Variants in TRAPPC12 observed in about 807,000 individuals in gnomAD.
The protein encoded by TRAPPC12 is TPR repeat protein 15.
In TRAPPC12, 61 loss-of-function variants were observed where a neutral mutation model predicts 69.2. The observed-to-expected ratio is 0.88, with a 90% CI of 0.72 to 1.09. The LOEUF (loss-of-function observed/expected upper bound fraction) is 1.09, where lower values mean the gene tolerates loss of function less well. Ranked by LOEUF, TRAPPC12 falls within the 50% of genes least tolerant of loss-of-function variation. TRAPPC12 has a pLI of 0.00. For missense variants in TRAPPC12, 1,101 were observed against 1,016.4 expected, an observed-to-expected ratio of 1.08 and a Z score of -1.13; for synonymous variants, 469 against 438.9, an observed-to-expected ratio of 1.07 and a Z score of -0.86.
At position 3,414,585 on chromosome 2, in the gene TRAPPC12, T is replaced by C. The variant is rs1303411981; in HGVS notation, c.1165-7296T>C. Among the ~76,000 whole-genome samples, 2 of 148,002 alleles carry C rather than the reference T, an allele frequency of 1.4e-5. No homozygotes were observed. The highest frequency in any genetic ancestry group is 2.2e-4 in the South Asian group (1 of 4,586). ...CCGCTGTGCAGTGCCTTGAACGTGC[T>C]CTGCCGTGTGTCGGCCCGTTTCCTG... On this transcript the variant is annotated intron_variant, in intron 3 of 11. Coordinates refer to ENST00000324266, the MANE Select transcript of TRAPPC12 (RefSeq NM_016030.6). This position sits in a 1 kb window ranked among gnomAD's most constrained non-coding sequence, Gnocchi z 4.9.
chr2:3,456,282 G>A (rs1167974652), intron 6 of TRAPPC12: 1 of 152,220 alleles, frequency 6.6e-6, no homozygotes, highest in Non-Finnish European at 1.5e-5. Flanking sequence ...TCAGCAGGTA[G>A]AGACCGGGGA....
At position 3,427,478 on chromosome 2, in the gene TRAPPC12, G is replaced by A. The variant is rs114453553; in HGVS notation, c.1417+2815G>A. Among the ~76,000 whole-genome samples, 592 of 152,336 alleles carry A rather than the reference G, an allele frequency of 3.9e-3. 3 individuals carry two copies. The highest frequency in any genetic ancestry group is 0.012 in the African/African-American group (504 of 41,566). On this transcript the variant is annotated intron_variant, in intron 5 of 11. Transcript: ENST00000324266. Reference sequence around the variant, plus strand: ...CTGGTTTCTTTTCCTACTGAGGTCCGTGTGAATTATAGATTCAAAATGACT... The same window carrying A: ...CTGGTTTCTTTTCCTACTGAGGTCCATGTGAATTATAGATTCAAAATGACT...
rs1662986735 is a variant in TRAPPC12 at position 3,424,530 on chromosome 2, G to A, written c.1284G>A (p.Trp428Ter). ...CCATTGTATTTTGTTTTTAGCTCTG[G>A]TTTGTCAGGCTGGCACTACTAGTGA... ...TSHTTDSLQLWFVRLALLVKL... is the reference protein window; with the variant it reads ...TSHTTDSLQL Residue 428 changes from tryptophan to a stop codon, truncating the protein, a stop_gained, in exon 5 of 12, where the codon TGG becomes TGA. Transcript: ENST00000324266. LOFTEE classifies it high-confidence loss of function. 6.2e-7 allele frequency: 1 copy of A among 1,612,314 alleles called. No homozygotes were observed. Among genetic ancestry groups the A allele is most frequent in the African/African-American group, 1.3e-5 (1 of 74,746 alleles).
rs1662207141 is a variant in TRAPPC12 at position 3,414,078 on chromosome 2, CA to C, written c.1165-7800del. 6.6e-6 allele frequency among the ~76,000 whole-genome samples: 1 copy of C among 152,110 alleles called. No individual in the cohort carries two copies. Among genetic ancestry groups the C allele is most frequent in the Admixed American group, 6.5e-5 (1 of 15,268 alleles). ...TCCTTTTTATTCACGTAATACCCCCCAAAGAATTAGAAAACTAGGTACCCCT... is the reference window on the plus strand; with the variant it reads ...TCCTTTTTATTCACGTAATACCCCCCAAGAATTAGAAAACTAGGTACCCCT... On this transcript the variant is annotated intron_variant, in intron 3 of 11. Coordinates refer to ENST00000324266, the MANE Select transcript of TRAPPC12 (RefSeq NM_016030.6). This position sits in a 1 kb window ranked among gnomAD's most constrained non-coding sequence, Gnocchi z 4.9.
intron 5 of TRAPPC12, among the ~76,000 whole-genome samples, chr2:3,436,110 C>T (rs539074023): frequency 2.6e-5 from 4 of 152,330 alleles, no homozygotes; most frequent in Admixed American, 2.6e-4. Context: ...GGGCCTGAGA[C>T]TCTGAAGTTC....
intron 6 of TRAPPC12, among the ~76,000 whole-genome samples, chr2:3,449,746 C>T (rs1384248904): frequency 6.6e-6 from 1 of 152,196 alleles, no homozygotes; most frequent in Non-Finnish European, 1.5e-5. Flanking sequence ...GCCACCCGCA[C>T]ACCGACAGTG....
In TRAPPC12 at chr2:3,424,674, G is replaced by A. The variant is rs1354378366; in HGVS notation, c.1417+11G>A. On this transcript the variant is annotated intron_variant, in intron 5 of 11. Transcript: ENST00000324266. Reference sequence around the variant, plus strand: ...ACCCTGGGCGCAGGGGTAAGGCCATGGTATTTAATATTTGTACATTTGTCT... The same window carrying A: ...ACCCTGGGCGCAGGGGTAAGGCCATAGTATTTAATATTTGTACATTTGTCT... 2 of 1,579,166 alleles carry A rather than the reference G, an allele frequency of 1.3e-6. No individual in the cohort carries two copies. The highest frequency in any genetic ancestry group is 1.2e-5 in the South Asian group (1 of 85,672).
Position 3,432,977 on chromosome 2 carries a change from C to A in TRAPPC12, c.1417+8314C>A, listed in dbSNP as rs181428309. 1.3e-5 allele frequency among the ~76,000 whole-genome samples: 2 copies of A among 152,328 alleles called. 1 individual carries two copies. The highest frequency in any genetic ancestry group is 3.9e-4 in the East Asian group (2 of 5,182). On this transcript the variant is annotated intron_variant, in intron 5 of 11. Coordinates refer to ENST00000324266, the MANE Select transcript of TRAPPC12 (RefSeq NM_016030.6). ...GCTTCAGGGCTTTAGTTAAGCAAAT[C>A]ATTTAAATAAGAAATATTTAAGGTA...
At chr2:3,475,692 A>G (rs1666260531) in intron 9 of TRAPPC12, among the ~76,000 whole-genome samples, 2 of 152,196 alleles carry the variant, frequency 1.3e-5, no homozygotes, top group Admixed American at 6.5e-5. Flanking sequence ...GAGGCCTTGC[A>G]GTGCGGAGGA....
chr2:3,381,318 T>C (rs945007181), intron 1 of TRAPPC12, among the ~76,000 whole-genome samples: 1 of 152,254 alleles, frequency 6.6e-6, no homozygotes, highest in African/African-American at 2.4e-5. Context: ...GTAAAAGATA[T>C]GTTTACAGAG....
At chr2:3,468,678 G>A (rs929537647) in intron 9 of TRAPPC12, among the ~76,000 whole-genome samples, 3 of 152,152 alleles carry the variant, frequency 2.0e-5, no homozygotes, top group Non-Finnish European at 4.4e-5. Context: ...CCACTCCCAC[G>A]GCGGGGCAGC....
chr2:3,445,275 C>T (rs1664446374), intron 6 of TRAPPC12, among the ~76,000 whole-genome samples: 1 of 152,140 alleles, frequency 6.6e-6, no homozygotes, highest in South Asian at 2.1e-4. Context: ...ATCCCAGCTA[C>T]TTGGGAGGCT....
At chr2:3,458,432 G>A in intron 7 of TRAPPC12, 1 of 986,076 alleles carries the variant, frequency 1.0e-6, no homozygotes, top group South Asian at 4.7e-5. Context: ...TGCAGCCCAA[G>A]TCAAGATCGG....
chr2:3,390,370 C>A (rs951123266), intron 2 of TRAPPC12, among the ~76,000 whole-genome samples: 1 of 152,072 alleles, frequency 6.6e-6, no homozygotes, highest in Non-Finnish European at 1.5e-5. Flanking sequence ...ATTCTTTGAC[C>A]CAGAAATTCC....
At chr2:3,466,590 C>G (rs1665822080) in intron 9 of TRAPPC12, among the ~76,000 whole-genome samples, 1 of 152,224 alleles carries the variant, frequency 6.6e-6, no homozygotes, top group Non-Finnish European at 1.5e-5. Context: ...CTCTCCCCCT[C>G]CACACAGTTG....
intron 6 of TRAPPC12, among the ~76,000 whole-genome samples, chr2:3,444,433 C>T (rs1199437142): frequency 6.6e-6 from 1 of 152,204 alleles, no homozygotes; most frequent in East Asian, 1.9e-4. Context: ...CAAAGTGGCA[C>T]GTTATTACAC....
Position 3,417,694 on chromosome 2 carries a change from G to A in TRAPPC12, c.1165-4187G>A, listed in dbSNP as rs921858639. ...CAGATTCCGCCAACATTTACTCATCGAACTTCTTTGTTCTTCTTTCCACGA... is the reference window on the plus strand; with the variant it reads ...CAGATTCCGCCAACATTTACTCATCAAACTTCTTTGTTCTTCTTTCCACGA... On this transcript the variant is annotated intron_variant, in intron 3 of 11. Transcript: ENST00000324266. Among the ~76,000 whole-genome samples, 7 of 152,088 alleles carry A rather than the reference G, an allele frequency of 4.6e-5. 1 individual carries two copies. In the South Asian group the frequency reaches 1.2e-3, roughly 27 times the overall value.
At chr2:3,446,746 C>T (rs1664529281) in intron 6 of TRAPPC12, among the ~76,000 whole-genome samples, 1 of 152,236 alleles carries the variant, frequency 6.6e-6, no homozygotes, top group Admixed American at 6.5e-5. Flanking sequence ...GTTCATGCAG[C>T]AAATGCCCTT....
At chr2:3,401,501 C>G (rs1249805717) in intron 2 of TRAPPC12, among the ~76,000 whole-genome samples, 1 of 152,172 alleles carries the variant, frequency 6.6e-6, no homozygotes. Context: ...TTACCGTTTC[C>G]TCTTCAGAAT....
Sources: gnomAD v4.1 joint callset for allele counts (sites outside exome capture counted in the v4.1 genomes callset) on GRCh38, gnomAD v4.1.1 for gene constraint, Gnocchi (gnomAD v3.1) non-coding constraint, MANE v1.5 for transcripts, NCBI Gene and HGNC (gene_info 2026-07-23, HGNC 2026-07-21) for gene names.